RARB: variants seen among roughly 807,000 people sequenced by gnomAD.
RARB encodes HBV-activated protein.
RARB carries 17 observed loss-of-function variants against 51.9 expected under a neutral mutation model. The observed-to-expected ratio is 0.33, with a 90% CI of 0.22 to 0.49. RARB has a LOEUF of 0.49. Ranked by LOEUF, RARB falls within the 20% of genes least tolerant of loss-of-function variation. The pLI, the probability that RARB is intolerant of heterozygous loss-of-function variation, is 0.99. For synonymous variants in RARB, 215 were observed against 195.4 expected (o/e 1.10, Z -0.84); for missense variants, 369 against 550.8 (o/e 0.67, Z 3.30).
At chr3:25,450,114 G>C (rs1038592559) in intron 1 of RARB, among the ~76,000 whole-genome samples, 1 of 152,130 alleles carries the variant, frequency 6.6e-6, no homozygotes, top group Non-Finnish European at 1.5e-5. Context: ...AAAATGCTTA[G>C]AGTAGAGTGA....
chr3:25,028,981 G>T (rs1289384579), intron 2 of RARB, among the ~76,000 whole-genome samples: 4 of 152,190 alleles, frequency 2.6e-5, no homozygotes, highest in African/African-American at 9.7e-5. Context: ...GGCAAAGGGA[G>T]CCCAGGCGTG....
chr3:24,870,044 A>G (rs891795535), intron 2 of RARB, among the ~76,000 whole-genome samples: 3 of 151,996 alleles, frequency 2.0e-5, no homozygotes, highest in Admixed American at 6.6e-5. Context: ...GCATTTTTCC[A>G]TGAAACACCT....
intron 5 of RARB, among the ~76,000 whole-genome samples, chr3:25,314,292 A>G (rs1704363858): frequency 6.6e-6 from 1 of 152,198 alleles, no homozygotes; most frequent in Admixed American, 6.5e-5. Context: ...CTATAGGAAA[A>G]GCAGAAATAT....
intron 5 of RARB, among the ~76,000 whole-genome samples, chr3:25,405,548 C>T (rs1030934274): frequency 2.6e-5 from 4 of 152,158 alleles, no homozygotes; most frequent in African/African-American, 9.7e-5. Context: ...AGAGATAAAA[C>T]CATTCAAGGC....
At chr3:25,216,407 A>T (rs1283175827) in intron 5 of RARB, among the ~76,000 whole-genome samples, 1 of 152,222 alleles carries the variant, frequency 6.6e-6, no homozygotes, top group East Asian at 1.9e-4. Flanking sequence ...ATGCAGCCAT[A>T]AAAAGGAATG....
At position 25,536,840 on chromosome 3, in the gene RARB, T is replaced by G. The variant is rs775767712; in HGVS notation, c.449-32918T>G. 7.2e-4 allele frequency among the ~76,000 whole-genome samples: 109 copies of G among 152,196 alleles called. 1 individual carries two copies. The highest frequency in any genetic ancestry group is 6.3e-3 in the Middle Eastern group (2 of 316). ...CATGGGAGTTTTATGAAAGTCACTG[T>G]GACATAGGATTTTTAGAAGCCCTAG... On this transcript the variant is annotated intron_variant, in intron 3 of 7. Coordinates refer to ENST00000330688, the MANE Select transcript of RARB (RefSeq NM_000965.5).
chr3:24,933,926 C>A (rs1382165965), intron 2 of RARB, among the ~76,000 whole-genome samples: 1 of 152,022 alleles, frequency 6.6e-6, no homozygotes, highest in Non-Finnish European at 1.5e-5. Flanking sequence ...TCTGTATATT[C>A]CAACAAGGTA....
At chr3:25,531,232 C>T (rs759840146) in intron 3 of RARB, among the ~76,000 whole-genome samples, 11 of 152,036 alleles carry the variant, frequency 7.2e-5, no homozygotes, top group South Asian at 4.2e-4. Flanking sequence ...AACTTCATTC[C>T]GAAGACCTGT....
At chr3:25,097,667 T>A (rs548794898) in intron 3 of RARB, among the ~76,000 whole-genome samples, 13 of 152,216 alleles carry the variant, frequency 8.5e-5, no homozygotes, top group Admixed American at 2.6e-4. Flanking sequence ...TTTCTAATTC[T>A]TACCTAATGG....
chr3:25,095,316 C>T (rs1420732049), intron 3 of RARB, among the ~76,000 whole-genome samples: 1 of 152,182 alleles, frequency 6.6e-6, no homozygotes, highest in Non-Finnish European at 1.5e-5. Flanking sequence ...GATTGGTTTA[C>T]AGCAGTGGTT....
intron 3 of RARB, among the ~76,000 whole-genome samples, chr3:25,508,913 GT>G (rs1697747153): frequency 6.6e-6 from 1 of 150,924 alleles, no homozygotes; most frequent in Admixed American, 6.6e-5. Context: ...AAAAAATTAT[GT>G]TTGGGTACCA....
At chr3:25,067,744 G>T (rs921641963) in intron 3 of RARB, among the ~76,000 whole-genome samples, 1 of 152,048 alleles carries the variant, frequency 6.6e-6, no homozygotes, top group Non-Finnish European at 1.5e-5. Context: ...CCTTCTTTTT[G>T]CTTCCTGCAC....
At chr3:25,436,019 T>C (rs903405015) in intron 1 of RARB, among the ~76,000 whole-genome samples, 14 of 152,230 alleles carry the variant, frequency 9.2e-5, no homozygotes, top group Non-Finnish European at 7.3e-5. Flanking sequence ...CCGGTTCCAT[T>C]AATTTTACTA....
intron 4 of RARB, among the ~76,000 whole-genome samples, chr3:25,168,128 T>TTTCCAAATCCTTTGGAATGCTAA (rs1553639412): frequency 3.3e-5 from 5 of 152,330 alleles, no homozygotes; most frequent in Non-Finnish European, 5.9e-5. Flanking sequence ...CATCTAATGT[T>TTTCCAAATCCTTTGGAATGCTAA]AATGGAAATA....
intron 2 of RARB, among the ~76,000 whole-genome samples, chr3:24,889,908 GAAAAAA>G (rs76271154): frequency 8.8e-6 from 1 of 113,006 alleles, no homozygotes; most frequent in Non-Finnish European, 1.9e-5. Flanking sequence ...GAGCAGGCAT[GAAAAAA>G]AAAAAAAAAG....
At position 25,125,266 on chromosome 3, in the gene RARB, G is replaced by T. The variant is rs7643275; in HGVS notation, c.-327-6895G>T. On this transcript the variant is annotated intron_variant, in intron 3 of 11. Coordinates refer to the RARB transcript ENST00000383772. ...GAGGTAATCAGTGGAGCAGAGAAAA[G>T]ATTTTGACAGTTTAACACTTTTGTG... Among the ~76,000 whole-genome samples the T allele has an allele frequency of 2.5e-3, 377 of 152,292 alleles. 3 individuals are homozygous for T. Among genetic ancestry groups the T allele is most frequent in the Middle Eastern group, 0.014 (4 of 294 alleles).
intron 2 of RARB, among the ~76,000 whole-genome samples, chr3:25,054,779 G>A (rs1698404966): frequency 6.6e-6 from 1 of 152,108 alleles, no homozygotes. Flanking sequence ...TTTGGAATCT[G>A]AAAAGAAAAC....
At chr3:24,858,458 C>A (rs1049514236) in intron 1 of RARB, among the ~76,000 whole-genome samples, 1 of 152,144 alleles carries the variant, frequency 6.6e-6, no homozygotes, top group African/African-American at 2.4e-5. Flanking sequence ...GTGTGATTCC[C>A]TCCTTGTGAA....
chr3:25,361,716 T>G (rs11713396), intron 5 of RARB, among the ~76,000 whole-genome samples: 12,533 of 152,316 alleles, frequency 0.082, 720 homozygotes, highest in South Asian at 0.19. Flanking sequence ...GTTTGTTAGT[T>G]TTCTTTCTAC....
Sources: allele counts gnomAD v4.1 joint callset (sites outside exome capture counted in the v4.1 genomes callset), GRCh38; gene constraint gnomAD v4.1.1; transcripts MANE v1.5; gene names NCBI Gene and HGNC (gene_info 2026-07-23, HGNC 2026-07-21).